SLC71A1: variants seen among roughly 807,000 people sequenced by gnomAD.
SLC71A1 encodes hippocampus abundant gene transcript 1.
the SLC71A1 span, among the ~76,000 whole-genome samples, chr1:100,047,187 C>T: frequency 6.6e-6 from 1 of 152,174 alleles, no homozygotes; most frequent in Non-Finnish European, 1.5e-5. Context: ...CATGATAGCT[C>T]TGTGTCTGTC....
At chr1:100,062,152 A>G in the SLC71A1 span, 1 of 455,366 alleles carries the variant, frequency 2.2e-6, no homozygotes, top group Non-Finnish European at 3.8e-6. Flanking sequence ...CATTTAGTAG[A>G]TATTCATAAG....
the SLC71A1 span, among the ~76,000 whole-genome samples, chr1:100,072,768 G>T: frequency 6.6e-6 from 1 of 152,034 alleles, no homozygotes; most frequent in African/African-American, 2.4e-5. Context: ...TTTATCATCA[G>T]CCCCATTACT....
the SLC71A1 span, among the ~76,000 whole-genome samples, chr1:100,074,750 C>T: frequency 6.6e-6 from 1 of 152,004 alleles, no homozygotes; most frequent in Non-Finnish European, 1.5e-5. Context: ...GTGGTGGGCA[C>T]CTGAGTCCCA....
the SLC71A1 span, among the ~76,000 whole-genome samples, chr1:100,072,668 C>G: frequency 1.3e-5 from 2 of 151,950 alleles, no homozygotes; most frequent in African/African-American, 4.8e-5. Flanking sequence ...GCTTCTCCCC[C>G]AAAATGATTA....
chr1:100,062,454 G>A, the SLC71A1 span, among the ~76,000 whole-genome samples: 15 of 152,214 alleles, frequency 9.9e-5, no homozygotes, highest in Non-Finnish European at 1.5e-5. Flanking sequence ...CATAGTGGTA[G>A]GTCGCCAACT....
chr1:100,066,881 C>T, the SLC71A1 span, among the ~76,000 whole-genome samples: 16 of 141,120 alleles, frequency 1.1e-4, no homozygotes, highest in East Asian at 2.2e-4. Flanking sequence ...CCCAGCTATT[C>T]GGGAGGCTGA....
chr1:100,045,887 G>A, the SLC71A1 span, among the ~76,000 whole-genome samples: 1 of 152,062 alleles, frequency 6.6e-6, no homozygotes, highest in Non-Finnish European at 1.5e-5. Context: ...TCTTCTAGTC[G>A]TTTGTGGTTT....
the SLC71A1 span, among the ~76,000 whole-genome samples, chr1:100,073,660 A>G: frequency 6.6e-6 from 1 of 152,218 alleles, no homozygotes; most frequent in Non-Finnish European, 1.5e-5. Context: ...CCTCCATGAG[A>G]AGGTAGTCCG....
chr1:100,038,432 G>C, the SLC71A1 span: 97 of 848,066 alleles, frequency 1.1e-4, no homozygotes, highest in East Asian at 2.4e-3. Flanking sequence ...CCCCCACCCT[G>C]TCCGAGCTGC....
chr1:100,053,868 G>A, the SLC71A1 span, among the ~76,000 whole-genome samples: 4 of 152,104 alleles, frequency 2.6e-5, no homozygotes, highest in Admixed American at 6.6e-5. Flanking sequence ...AAAGATTGAG[G>A]TCTAACACTT....
chr1:100,060,096 G>T, the SLC71A1 span: 1 of 1,221,588 alleles, frequency 8.2e-7, no homozygotes, highest in Admixed American at 2.6e-5. Flanking sequence ...GTGCCATCTT[G>T]GTTATGAGGT....
chr1:100,044,506 T>A, the SLC71A1 span, among the ~76,000 whole-genome samples: 1 of 148,104 alleles, frequency 6.8e-6, no homozygotes, highest in Admixed American at 6.8e-5. Flanking sequence ...CTGTTTACTC[T>A]GCTGATTTTT....
At chr1:100,078,407 G>A in the SLC71A1 span, 102 of 1,268,660 alleles carry the variant, frequency 8.0e-5, no homozygotes, top group African/African-American at 1.4e-3. Context: ...TTCAGGTACA[G>A]TGGAGAAGAA....
chr1:100,081,706 GT>G, the SLC71A1 span, among the ~76,000 whole-genome samples: 1 of 152,090 alleles, frequency 6.6e-6, no homozygotes, highest in African/African-American at 2.4e-5. Flanking sequence ...TTCTATAAAC[GT>G]TTTCCCCTTG....
the SLC71A1 span, among the ~76,000 whole-genome samples, chr1:100,064,949 C>T: frequency 1.3e-5 from 2 of 151,952 alleles, no homozygotes; most frequent in Non-Finnish European, 2.9e-5. Flanking sequence ...GCAGTGGTGC[C>T]GTTACAGCTC....
At chr1:100,065,553 C>CTCCTT in the SLC71A1 span, among the ~76,000 whole-genome samples, 2 of 135,910 alleles carry the variant, frequency 1.5e-5, no homozygotes, top group Non-Finnish European at 3.1e-5. Context: ...TTTCACCTTT[C>CTCCTT]TCCTTTCCTT....
the SLC71A1 span, among the ~76,000 whole-genome samples, chr1:100,047,198 A>G: frequency 4.6e-5 from 7 of 152,208 alleles, no homozygotes; most frequent in Non-Finnish European, 1.0e-4. Flanking sequence ...TGTGTCTGTC[A>G]TATATGGCTT....
chr1:100,041,519 G>A, the SLC71A1 span, among the ~76,000 whole-genome samples: 1 of 152,118 alleles, frequency 6.6e-6, no homozygotes, highest in Non-Finnish European at 1.5e-5. Context: ...AGTAACTAAA[G>A]AATAAGTTCC....
the SLC71A1 span, among the ~76,000 whole-genome samples, chr1:100,072,687 A>ACCC: frequency 2.6e-5 from 4 of 152,266 alleles, no homozygotes; most frequent in African/African-American, 9.6e-5. Flanking sequence ...TAGATCTGGT[A>ACCC]ACCGGGTGTG....
Sources: allele counts gnomAD v4.1 joint callset (sites outside exome capture counted in the v4.1 genomes callset), GRCh38; gene constraint gnomAD v4.1.1; transcripts MANE v1.5; gene names NCBI Gene and HGNC (gene_info 2026-07-23, HGNC 2026-07-21).